The following MMP16 variants were observed in gnomAD, a reference collection of about 807,000 sequenced individuals.
The protein encoded by MMP16 is matrix metallopeptidase 16, also known as matrix metalloproteinase-16.
Under a neutral mutation model 67.8 loss-of-function variants are expected in MMP16, and 12 were observed. That is an observed-to-expected ratio of 0.18 (90% confidence interval 0.11 to 0.29). The LOEUF (loss-of-function observed/expected upper bound fraction) is 0.29, where lower values mean the gene tolerates loss of function less well. Ranked by LOEUF, MMP16 falls within the 10% of genes least tolerant of loss-of-function variation. The pLI, the probability that MMP16 is intolerant of heterozygous loss-of-function variation, is 1.00. For synonymous variants in MMP16, 249 were observed against 255.9 expected, an observed-to-expected ratio of 0.97 and a Z score of 0.26; for missense variants, 475 against 765.7, an observed-to-expected ratio of 0.62 and a Z score of 4.48.
At position 88,039,146 on chromosome 8, in the gene MMP16, A is replaced by G. The variant is rs990184923; in HGVS notation, c.*2315T>C. 3.3e-5 allele frequency: 5 copies of G among 152,568 alleles called. No individual in the cohort carries two copies. The highest frequency in any genetic ancestry group is 1.2e-4 in the African/African-American group (5 of 41,424). 9.5% of individuals were successfully genotyped at this position (152,568 alleles called of 1,614,324 possible). ...GAATGTATACCTACACTCATTAAAA[A>G]TCATCTGGAAATGTGTATTAGCAAA... On this transcript the variant is annotated 3_prime_UTR_variant, in exon 10 of 10. Coordinates refer to ENST00000286614, the MANE Select transcript of MMP16 (RefSeq NM_005941.5). This position sits in a 1 kb window ranked among gnomAD's most constrained non-coding sequence, Gnocchi z 4.5.
chr8:88,309,114 C>G (rs1811256846), intron 1 of MMP16, among the ~76,000 whole-genome samples: 1 of 151,970 alleles, frequency 6.6e-6, no homozygotes, highest in South Asian at 2.1e-4. Context: ...ATAAATATAG[C>G]CCTTAACGCA....
intron 1 of MMP16, among the ~76,000 whole-genome samples, chr8:88,302,042 A>C (rs1811112391): frequency 6.6e-6 from 1 of 152,212 alleles, no homozygotes; most frequent in Non-Finnish European, 1.5e-5. Context: ...ACTTGCTCAG[A>C]AACCTTCACA....
intron 4 of MMP16, among the ~76,000 whole-genome samples, chr8:88,164,899 C>T (rs1483178962): frequency 6.6e-6 from 1 of 151,604 alleles, no homozygotes; most frequent in African/African-American, 2.4e-5. Context: ...AATTTCTTCC[C>T]ACATATACAT....
chr8:88,219,686 G>C (rs1475931251), intron 1 of MMP16, among the ~76,000 whole-genome samples: 1 of 152,068 alleles, frequency 6.6e-6, no homozygotes, highest in Non-Finnish European at 1.5e-5. Flanking sequence ...AACTATGCAA[G>C]AGTTATTTAT....
intron 1 of MMP16, among the ~76,000 whole-genome samples, chr8:88,251,067 G>T (rs1426739429): frequency 1.3e-5 from 2 of 151,724 alleles, no homozygotes. Flanking sequence ...TGAGAATGAT[G>T]ATTTCCAATT....
rs111863181 is a variant in MMP16 at position 88,131,268 on chromosome 8, T to TACACACACAC, written c.710-12417_710-12408dup. Reference sequence around the variant, plus strand: ...CTGAGTATGACTATCTATAGTATTATACACACACACACACACACACACACA... The same window carrying TACACACACAC: ...CTGAGTATGACTATCTATAGTATTATACACACACACACACACACACACACACACACACACA... On this transcript the variant is annotated intron_variant, in intron 4 of 9. Coordinates refer to ENST00000286614, the MANE Select transcript of MMP16 (RefSeq NM_005941.5). Among the ~76,000 whole-genome samples the TACACACACAC allele has an allele frequency of 6.0e-3, 888 of 146,940 alleles. 4 individuals are homozygous for TACACACACAC. Among genetic ancestry groups the TACACACACAC allele is most frequent in the African/African-American group, 8.6e-3 (344 of 40,148 alleles).
intron 1 of MMP16, among the ~76,000 whole-genome samples, chr8:88,203,204 A>G (rs1435260526): frequency 1.3e-5 from 2 of 150,234 alleles, no homozygotes; most frequent in African/African-American, 4.9e-5. Context: ...CCCGGGTTCA[A>G]GGCATCCTCC....
chr8:88,151,854 A>C (rs1361408464), intron 4 of MMP16, among the ~76,000 whole-genome samples: 25 of 115,724 alleles, frequency 2.2e-4, no homozygotes, highest in African/African-American at 8.4e-4. Context: ...GGCAAGAAAT[A>C]ACTAAAATCA....
At chr8:88,299,063 G>T (rs917322155) in intron 1 of MMP16, among the ~76,000 whole-genome samples, 1 of 151,958 alleles carries the variant, frequency 6.6e-6, no homozygotes, top group Non-Finnish European at 1.5e-5. Flanking sequence ...ATAGATGACA[G>T]ATAACCTTCC....
chr8:88,098,668 T>C (rs1185974911), intron 6 of MMP16, among the ~76,000 whole-genome samples: 1 of 151,996 alleles, frequency 6.6e-6, no homozygotes, highest in African/African-American at 2.4e-5. Flanking sequence ...ATAACATTCA[T>C]TGACTTTTAA....
chr8:88,084,539 A>T (rs1294101820), intron 6 of MMP16, among the ~76,000 whole-genome samples: 1 of 152,026 alleles, frequency 6.6e-6, no homozygotes, highest in Non-Finnish European at 1.5e-5. Context: ...CAAAAGCAAC[A>T]CATAGATAGT....
At chr8:88,185,139 A>G (rs1411142236) in intron 3 of MMP16, among the ~76,000 whole-genome samples, 51 of 152,150 alleles carry the variant, frequency 3.4e-4, no homozygotes. Context: ...GTGAGAAGAC[A>G]GCATAAAAAT....
chr8:88,261,059 G>T (rs144339418), intron 1 of MMP16, among the ~76,000 whole-genome samples: 1 of 152,154 alleles, frequency 6.6e-6, no homozygotes, highest in Non-Finnish European at 1.5e-5. Flanking sequence ...GGAATACATT[G>T]CATTTTGAAA....
intron 1 of MMP16, among the ~76,000 whole-genome samples, chr8:88,220,182 C>G (rs1437479567): frequency 6.6e-6 from 1 of 152,062 alleles, no homozygotes; most frequent in Non-Finnish European, 1.5e-5. Context: ...CTAAAGAATT[C>G]ACCATAATTT....
chr8:88,241,472 T>C (rs765231174), intron 1 of MMP16, among the ~76,000 whole-genome samples: 6 of 151,970 alleles, frequency 3.9e-5, no homozygotes, highest in Admixed American at 1.3e-4. Context: ...TGAGAGCAGA[T>C]GAGATTATTT....
intron 1 of MMP16, among the ~76,000 whole-genome samples, chr8:88,254,044 A>T (rs1810265952): frequency 6.6e-6 from 1 of 152,164 alleles, no homozygotes; most frequent in Non-Finnish European, 1.5e-5. Context: ...ACAATAGCAA[A>T]GACATGGAAT....
At chr8:88,319,325 T>C (rs1212022981) in intron 1 of MMP16, among the ~76,000 whole-genome samples, 2 of 152,114 alleles carry the variant, frequency 1.3e-5, no homozygotes, top group Non-Finnish European at 2.9e-5. Context: ...TGAAACTATT[T>C]TACTTTATTA....
At chr8:88,154,110 GA>G (rs1276334362) in intron 4 of MMP16, among the ~76,000 whole-genome samples, 2 of 133,566 alleles carry the variant, frequency 1.5e-5, no homozygotes, top group African/African-American at 2.9e-5. Context: ...AAAAACACAT[GA>G]AAAAATGCTC....
intron 1 of MMP16, among the ~76,000 whole-genome samples, chr8:88,249,175 G>T (rs1810167492): frequency 6.6e-6 from 1 of 151,932 alleles, no homozygotes; most frequent in Non-Finnish European, 1.5e-5. Flanking sequence ...AAAATGTCAT[G>T]CAGCATGCCT....
Sources: gnomAD v4.1 joint callset for allele counts (sites outside exome capture counted in the v4.1 genomes callset) on GRCh38, gnomAD v4.1.1 for gene constraint, Gnocchi (gnomAD v3.1) non-coding constraint, MANE v1.5 for transcripts, NCBI Gene and HGNC (gene_info 2026-07-23, HGNC 2026-07-21) for gene names.